Variants in ZNF385B observed in about 807,000 individuals in gnomAD.
ZNF385B encodes the protein zinc finger protein 533.
Under a neutral mutation model 39.2 loss-of-function variants are expected in ZNF385B, and 23 were observed. That is an observed-to-expected ratio of 0.59 (90% CI 0.42 to 0.83). The LOEUF (loss-of-function observed/expected upper bound fraction) is 0.83. ZNF385B is among the 40% of genes least tolerant of loss of function. ZNF385B has a pLI of 0.00. For missense variants in ZNF385B, 552 were observed against 598.9 expected (o/e 0.92, Z 0.82); for synonymous variants, 205 against 222.6 (o/e 0.92, Z 0.70).
chr2:179,567,231 T>TG (rs1161894191), intron 3 of ZNF385B, among the ~76,000 whole-genome samples: 3 of 152,164 alleles, frequency 2.0e-5, no homozygotes, highest in Non-Finnish European at 4.4e-5. Flanking sequence ...TCTTTTTTAA[T>TG]GAAAAAATTA....
chr2:179,827,098 C>T (rs140541721), intron 1 of ZNF385B, among the ~76,000 whole-genome samples: 4 of 152,232 alleles, frequency 2.6e-5, no homozygotes, highest in African/African-American at 7.2e-5. Flanking sequence ...AACTGACATC[C>T]CATCAAGTAC....
At chr2:179,605,006 G>T (rs73041222) in intron 3 of ZNF385B, among the ~76,000 whole-genome samples, 1 of 151,850 alleles carries the variant, frequency 6.6e-6, no homozygotes, top group Non-Finnish European at 1.5e-5. Flanking sequence ...TTTGTTTCTG[G>T]CTCCTTATTT....
chr2:179,838,685 T>A (rs1304168737), intron 1 of ZNF385B, among the ~76,000 whole-genome samples: 2 of 152,098 alleles, frequency 1.3e-5, no homozygotes, highest in African/African-American at 4.8e-5. Flanking sequence ...TATGGCTAGA[T>A]CTATAAGCAA....
At chr2:179,549,802 CAGG>C (rs1162450500) in intron 3 of ZNF385B, among the ~76,000 whole-genome samples, 6 of 149,440 alleles carry the variant, frequency 4.0e-5, no homozygotes, top group Non-Finnish European at 7.4e-5. Context: ...GGCAAGTCTT[CAGG>C]TCAGCCCCAT....
intron 3 of ZNF385B, among the ~76,000 whole-genome samples, chr2:179,729,657 A>T (rs184597575): frequency 6.6e-6 from 1 of 152,276 alleles, no homozygotes; most frequent in African/African-American, 2.4e-5. Flanking sequence ...AAGATTAAAT[A>T]CCATATGATA....
At chr2:179,629,219 G>T (rs1377340432) in intron 3 of ZNF385B, among the ~76,000 whole-genome samples, 2 of 152,154 alleles carry the variant, frequency 1.3e-5, no homozygotes, top group Non-Finnish European at 2.9e-5. Context: ...ATTATGTCTA[G>T]GAGAAATTCT....
intron 3 of ZNF385B, among the ~76,000 whole-genome samples, chr2:179,721,880 C>T (rs926503974): frequency 6.6e-6 from 1 of 151,378 alleles, no homozygotes; most frequent in African/African-American, 2.4e-5. Flanking sequence ...AACAAACAAA[C>T]AAAAAACAAT....
intron 3 of ZNF385B, among the ~76,000 whole-genome samples, chr2:179,632,779 A>G (rs1691357574): frequency 6.6e-6 from 1 of 152,192 alleles, no homozygotes; most frequent in African/African-American, 2.4e-5. Context: ...TTTTTTGAAA[A>G]GATCAAGAAA....
At chr2:179,505,460 G>A (rs997162812) in intron 5 of ZNF385B, among the ~76,000 whole-genome samples, 5 of 151,982 alleles carry the variant, frequency 3.3e-5, no homozygotes, top group African/African-American at 1.2e-4. Context: ...ATAAGAAAGG[G>A]CCAAAAAAAT....
At chr2:179,807,881 C>A (rs780760586) in intron 1 of ZNF385B, among the ~76,000 whole-genome samples, 3 of 90,674 alleles carry the variant, frequency 3.3e-5, no homozygotes, top group Non-Finnish European at 4.4e-5. Context: ...GGCGACAGAG[C>A]GAGACTCCGT....
intron 3 of ZNF385B, among the ~76,000 whole-genome samples, chr2:179,726,971 G>A (rs542618765): frequency 1.3e-5 from 2 of 151,974 alleles, no homozygotes; most frequent in Non-Finnish European, 2.9e-5. Flanking sequence ...ACTTTAACCC[G>A]AGTACTTTAA....
intron 3 of ZNF385B, among the ~76,000 whole-genome samples, chr2:179,609,526 T>A (rs1689111674): frequency 6.6e-6 from 1 of 152,208 alleles, no homozygotes. Flanking sequence ...TGAACAGTGG[T>A]GCAATAAACA....
In ZNF385B at chr2:179,518,545, G is replaced by T; in HGVS notation, c.535C>A (p.Leu179Ile). 6.2e-7 allele frequency: 1 copy of T among 1,605,850 alleles called. No homozygotes were observed. The highest frequency in any genetic ancestry group is 8.5e-7 in the Non-Finnish European group (1 of 1,176,800). The change falls in exon 5 of 10, where the codon CTT becomes ATT. Residue 179 changes from leucine to isoleucine, a missense_variant. Leu to Ile is a conservative substitution (Grantham distance 5, BLOSUM62 2). Transcript: ENST00000410066. Reference protein sequence around the residue: ...KQVISCNVCQLRFNSDSQAEA... With the variant: ...KQVISCNVCQIRFNSDSQAEA... ...ATACTCACATCTGAGTTAAAGCGAA[G>T]CTGACAGACATTACAAGAAATAACT...
At chr2:179,491,876 T>A (rs1046102559) in intron 5 of ZNF385B, among the ~76,000 whole-genome samples, 4 of 151,846 alleles carry the variant, frequency 2.6e-5, no homozygotes, top group Non-Finnish European at 4.4e-5. Context: ...TTTTAAAAAA[T>A]TTTTTGGAGA....
chr2:179,492,481 A>C (rs2055345790), intron 5 of ZNF385B, among the ~76,000 whole-genome samples: 1 of 152,178 alleles, frequency 6.6e-6, no homozygotes, highest in Non-Finnish European at 1.5e-5. Flanking sequence ...CACTTTAAGG[A>C]AATTTACATA....
At chr2:179,688,796 A>G (rs1698129971) in intron 3 of ZNF385B, among the ~76,000 whole-genome samples, 1 of 152,218 alleles carries the variant, frequency 6.6e-6, no homozygotes, top group South Asian at 2.1e-4. Context: ...GAAATTTTGT[A>G]TACTTTGACC....
chr2:179,733,782 CA>C lies in ZNF385B; in HGVS notation c.298+35720del, dbSNP rs11400555. ...TGAGTGACAGAGCGAGACTCCGTCT[CA>C]AAAAAAAAAAAAAAAAAAAGTACAA... On this transcript the variant is annotated intron_variant, in intron 3 of 9. Transcript: ENST00000410066. 9.9e-3 allele frequency among the ~76,000 whole-genome samples: 1,022 copies of C among 103,472 alleles called. 7 individuals carry two copies. The highest frequency in any genetic ancestry group is 0.028 in the South Asian group (83 of 2,996). The allele number at this position is 103,472 out of a possible 152,430, so 67.9% of individuals were successfully genotyped here.
intron 3 of ZNF385B, among the ~76,000 whole-genome samples, chr2:179,545,600 G>A (rs1446930074): frequency 6.6e-6 from 1 of 152,182 alleles, no homozygotes; most frequent in Non-Finnish European, 1.5e-5. Flanking sequence ...CAGACAGGGT[G>A]TTGGGGGACA....
intron 3 of ZNF385B, among the ~76,000 whole-genome samples, chr2:179,760,073 G>T (rs574310576): frequency 1.3e-5 from 2 of 149,828 alleles, no homozygotes; most frequent in Non-Finnish European, 3.0e-5. Flanking sequence ...TTTTGAGACG[G>T]AGTCTCACTC....
Sources: gnomAD v4.1 joint callset for allele counts (sites outside exome capture counted in the v4.1 genomes callset) on GRCh38, gnomAD v4.1.1 for gene constraint, MANE v1.5 for transcripts, NCBI Gene and HGNC (gene_info 2026-07-23, HGNC 2026-07-21) for gene names.